MCTP2: variants seen among roughly 807,000 people sequenced by gnomAD.
MCTP2 encodes multiple C2 and transmembrane domain-containing protein 2.
A neutral mutation model predicts 111.6 loss-of-function variants in MCTP2; 132 were observed. That is an observed-to-expected ratio of 1.18 (90% CI 1.03 to 1.37). The LOEUF (loss-of-function observed/expected upper bound fraction) is 1.37. Ranked by LOEUF, MCTP2 falls within the 40% of genes most tolerant of loss-of-function variation. The pLI is 0.00. For synonymous variants in MCTP2, 395 were observed against 387.7 expected, an observed-to-expected ratio of 1.02 and a Z score of -0.22; for missense variants, 1,183 against 1,067.9, an observed-to-expected ratio of 1.11 and a Z score of -1.50.
chr15:94,472,110 G>C (rs144152171), intron 21 of MCTP2, among the ~76,000 whole-genome samples: 3 of 152,232 alleles, frequency 2.0e-5, no homozygotes, highest in African/African-American at 7.2e-5. Context: ...GGGTGCAGTG[G>C]CTCACGCCTG....
intron 9 of MCTP2, among the ~76,000 whole-genome samples, chr15:94,356,740 C>G (rs1391122259): frequency 2.6e-5 from 4 of 152,124 alleles, no homozygotes; most frequent in Non-Finnish European, 4.4e-5. Context: ...AAAATAGTAT[C>G]TAGTGCTGCT....
intron 4 of MCTP2, among the ~76,000 whole-genome samples, chr15:94,325,536 C>T (rs936886305): frequency 6.6e-6 from 1 of 152,050 alleles, no homozygotes; most frequent in East Asian, 1.9e-4. Flanking sequence ...AAAAGTTCCT[C>T]CCCCTGCCGC....
intron 14 of MCTP2, among the ~76,000 whole-genome samples, chr15:94,393,964 C>T (rs1458992597): frequency 2.1e-5 from 3 of 145,942 alleles, no homozygotes; most frequent in African/African-American, 7.6e-5. Context: ...GCAGGACAAT[C>T]ACTTGAACTC....
intron 12 of MCTP2, among the ~76,000 whole-genome samples, chr15:94,370,720 C>G (rs916164768): frequency 2.6e-5 from 4 of 152,128 alleles, no homozygotes; most frequent in Admixed American, 1.3e-4. Context: ...CCAAAGCAGA[C>G]ATGCTTTGTG....
chr15:94,327,809 C>T (rs1297332126), intron 4 of MCTP2, among the ~76,000 whole-genome samples: 1 of 152,170 alleles, frequency 6.6e-6, no homozygotes, highest in African/African-American at 2.4e-5. Context: ...TTAATGTATT[C>T]CCACAACTGA....
intron 17 of MCTP2, among the ~76,000 whole-genome samples, chr15:94,434,967 G>A (rs183445130): frequency 5.9e-5 from 9 of 151,374 alleles, no homozygotes; most frequent in Admixed American, 6.6e-5. Context: ...GGGTTCAAGC[G>A]ATTCTCCTGC....
intron 8 of MCTP2, among the ~76,000 whole-genome samples, chr15:94,353,381 C>T (rs1708185534): frequency 6.6e-6 from 1 of 152,108 alleles, no homozygotes; most frequent in African/African-American, 2.4e-5. Flanking sequence ...CTCTAGGCCC[C>T]CTTAATAACC....
chr15:94,370,747 T>C (rs2079440945), intron 12 of MCTP2, among the ~76,000 whole-genome samples: 1 of 152,192 alleles, frequency 6.6e-6, no homozygotes, highest in Non-Finnish European at 1.5e-5. Context: ...TATGCTCTGC[T>C]GCACGTAGAG....
intron 1 of MCTP2, among the ~76,000 whole-genome samples, chr15:94,267,889 AG>A (rs1433765574): frequency 7.0e-4 from 1 of 1,424 alleles, no homozygotes; most frequent in Non-Finnish European, 1.6e-3. Flanking sequence ...TTTTTGAGAC[AG>A]AGTCTTGCTC....
intron 19 of MCTP2, among the ~76,000 whole-genome samples, chr15:94,446,070 A>G (rs2084101470): frequency 6.6e-6 from 1 of 152,240 alleles, no homozygotes; most frequent in East Asian, 1.9e-4. Context: ...TTGTAAAATG[A>G]CATCACTGTA....
chr15:94,355,792 C>T (rs1297634136), intron 8 of MCTP2: 2 of 416,796 alleles, frequency 4.8e-6, no homozygotes, highest in Admixed American at 1.3e-4. Flanking sequence ...TATAATATCT[C>T]TGTTGCCCAG....
intron 19 of MCTP2, among the ~76,000 whole-genome samples, chr15:94,452,548 A>G (rs2084529041): frequency 6.6e-6 from 1 of 152,136 alleles, no homozygotes; most frequent in Admixed American, 6.5e-5. Context: ...AACCTGATAA[A>G]CTATTTTTTT....
intron 17 of MCTP2, 101 bp downstream of exon 17, chr15:94,402,120 T>C: frequency 2.1e-6 from 3 of 1,450,542 alleles, no homozygotes; most frequent in Non-Finnish European, 2.8e-6. Context: ...GGGGTTGTCT[T>C]TCTAAGACAG....
At chr15:94,358,433 A>G in intron 9 of MCTP2, 49 bp from the exon 10 acceptor site, 1 of 1,538,208 alleles carries the variant, frequency 6.5e-7, no homozygotes, top group Admixed American at 1.8e-5. Context: ...CTTCTGTAGC[A>G]ATGAATGACA....
chr15:94,295,172 A>G (rs2075213578), intron 1 of MCTP2, among the ~76,000 whole-genome samples: 1 of 150,052 alleles, frequency 6.7e-6, no homozygotes, highest in South Asian at 2.1e-4. Context: ...CTGGTCTCGA[A>G]CTCCTGACCT....
intron 7 of MCTP2, 102 bp downstream of exon 7, chr15:94,341,026 C>T (rs762598270): frequency 1.3e-5 from 10 of 753,180 alleles, no homozygotes; most frequent in South Asian, 4.6e-5. Context: ...GATGTTTTTG[C>T]AATTATTTTA....
intron 1 of MCTP2, among the ~76,000 whole-genome samples, chr15:94,244,644 AAAC>A (rs2071598293): frequency 4.0e-5 from 6 of 148,212 alleles, no homozygotes; most frequent in Non-Finnish European, 6.0e-5. Flanking sequence ...CTATGTTTAT[AAAC>A]GTATATGTAT....
At chr15:94,395,120 T>TA (rs2081214421) in intron 14 of MCTP2, among the ~76,000 whole-genome samples, 1 of 152,236 alleles carries the variant, frequency 6.6e-6, no homozygotes, top group African/African-American at 2.4e-5. Flanking sequence ...TGTGAATGGA[T>TA]ACCGAGTAAA....
Position 94,385,967 on chromosome 15 carries a change from C to A in MCTP2, c.1788+442C>A, listed in dbSNP as rs577772477. Among the ~76,000 whole-genome samples, 424 of 152,258 alleles carry A rather than the reference C, an allele frequency of 2.8e-3. 3 individuals carry two copies. The highest frequency in any genetic ancestry group is 0.01 in the Middle Eastern group (3 of 294). On this transcript the variant is annotated intron_variant, in intron 14 of 22. Transcript: ENST00000357742. ...TCAATTCTTTTAAAGACCATTTTCC[C>A]AAAAGTTCTATTTGTCTTTTTAGCA...
Sources: gnomAD v4.1 joint callset for allele counts (sites outside exome capture counted in the v4.1 genomes callset) on GRCh38, gnomAD v4.1.1 for gene constraint, MANE v1.5 for transcripts, NCBI Gene and HGNC (gene_info 2026-07-23, HGNC 2026-07-21) for gene names.